ZNF772: variants seen among roughly 807,000 people sequenced by gnomAD.
ZNF772 encodes the protein zinc finger protein 772.
A neutral mutation model predicts 11.0 loss-of-function variants in ZNF772; 8 were observed. The observed-to-expected ratio is 0.73, with a 90% CI of 0.43 to 1.31. The LOEUF is 1.31. Ranked by LOEUF, ZNF772 falls within the 50% of genes most tolerant of loss-of-function variation. The pLI is 0.01. For synonymous variants in ZNF772, 155 were observed against 180.4 expected, an observed-to-expected ratio of 0.86 and a Z score of 1.13; for missense variants, 496 against 552.3, an observed-to-expected ratio of 0.90 and a Z score of 1.02.
intron 1 of ZNF772, 111 bp from the exon 2 acceptor site, chr19:57,476,783 T>A: frequency 1.1e-6 from 1 of 933,116 alleles, no homozygotes; most frequent in Non-Finnish European, 1.6e-6. Flanking sequence ...GCTGAATGTC[T>A]ACCCTCTGTG....
intron 2 of ZNF772, among the ~76,000 whole-genome samples, chr19:57,476,152 A>T (rs1215260239): frequency 6.6e-6 from 1 of 152,062 alleles, no homozygotes; most frequent in Non-Finnish European, 1.5e-5. Flanking sequence ...TTCTTTCCAT[A>T]TGTACATCAC....
Position 57,477,322 on chromosome 19 carries a change from C to T in ZNF772, c.-13G>A. 6.2e-7 allele frequency: 1 copy of T among 1,613,402 alleles called. No individual in the cohort carries two copies. Among genetic ancestry groups the T allele is most frequent in the Non-Finnish European group, 8.5e-7 (1 of 1,179,746 alleles). ...CAGCCGCCGCCATCAGGCCTGTGGA[C>T]TACGGAAGGGTGGCGACAAGTGCAG... is the stretch of plus-strand genomic sequence containing the variant. On this transcript the variant is annotated 5_prime_UTR_variant, in exon 1 of 4. Transcript: ENST00000356584.
rs1310755554 is a variant in ZNF772 at position 57,471,854 on chromosome 19, T to G, written c.*1420A>C. 4.1e-6 allele frequency: 1 copy of G among 242,130 alleles called. No homozygotes were observed. The highest frequency in any genetic ancestry group is 8.3e-6 in the Non-Finnish European group (1 of 121,108). The allele number at this position is 242,130 out of a possible 1,614,324, so 15.0% of individuals were successfully genotyped here. A position where few individuals can be genotyped will look rare whatever the true frequency, so the allele number is the denominator to read the frequency against. Reference sequence around the variant, plus strand: ...AATACATATTAAATTACTCTATCTCTGTAGAATTCTAGGAAATACAAACAA... The same window carrying G: ...AATACATATTAAATTACTCTATCTCGGTAGAATTCTAGGAAATACAAACAA... On this transcript the variant is annotated 3_prime_UTR_variant, in exon 4 of 4. Transcript: ENST00000356584.
intron 3 of ZNF772, 125 bp from the exon 4 acceptor site, chr19:57,474,546 C>A: frequency 1.0e-6 from 1 of 979,482 alleles, no homozygotes; most frequent in Non-Finnish European, 1.5e-6. Flanking sequence ...GACAAGGGTC[C>A]AAACTCAAGT....
Position 57,474,239 on chromosome 19 carries a change from G to A in ZNF772, c.382C>T (p.Gln128Ter). 1 of 1,614,196 alleles carries A rather than the reference G, an allele frequency of 6.2e-7. No homozygotes were observed. Among genetic ancestry groups the A allele is most frequent in the Non-Finnish European group, 8.5e-7 (1 of 1,180,040 alleles). ...LAEHQETHPG[Q>*]KPYMCVLCGK... ...CACAGCACACACATGTATGGTTTCT[G>A]CCCTGGGTGTGTTTCCTGGTGCTCA... Residue 128 changes from glutamine to a stop codon, truncating the protein, a stop_gained, in exon 4 of 4, where the codon CAG (glutamine) becomes TAG (stop). Transcript: ENST00000356584. LOFTEE classifies it low-confidence loss of function (END_TRUNC).
At position 57,477,284 on chromosome 19, in the gene ZNF772, G is replaced by A. The variant is rs930473590; in HGVS notation, c.26C>T (p.Pro9Leu). The change falls in exon 1 of 4, where the codon CCG (proline) becomes CTG (leucine). Residue 9 changes from proline to leucine, a missense_variant. Physicochemically the swap from Pro to Leu is moderately conservative, Grantham distance 98 (BLOSUM62 -3). Coordinates refer to ENST00000356584, the MANE Select transcript of ZNF772 (RefSeq NM_001144068.2). The part of the protein sequence containing the change: MAAAEPMG[P>L]AQVPMNSEVI... The stretch of plus-strand genomic sequence containing the variant: ...CGCAGACGCAGCACCCACCTGTGCC[G>A]GGCCCATCGGCTCAGCCGCCGCCAT... 20 of 1,605,336 alleles carry A rather than the reference G, an allele frequency of 1.2e-5. No individual in the cohort carries two copies. The highest frequency in any genetic ancestry group is 5.5e-5 in the African/African-American group (4 of 72,518).
At chr19:57,476,822 G>A in intron 1 of ZNF772, 150 bp from the exon 2 acceptor site, 1 of 698,324 alleles carries the variant, frequency 1.4e-6, no homozygotes, top group Middle Eastern at 3.7e-4. Context: ...CCTCTTAACT[G>A]TGTTAGCTCG....
rs952287710 is a variant in ZNF772 at position 57,471,251 on chromosome 19, GAAA to G, written c.*2020_*2022del. 1 of 151,376 alleles carries G rather than the reference GAAA, an allele frequency of 6.6e-6. No homozygotes were observed. The highest frequency in any genetic ancestry group is 2.4e-5 in the African/African-American group (1 of 41,192). 9.4% of individuals were successfully genotyped at this position (151,376 alleles called of 1,614,324 possible). A position where few individuals can be genotyped will look rare whatever the true frequency, so the allele number is the denominator to read the frequency against. On this transcript the variant is annotated 3_prime_UTR_variant, in exon 4 of 4. Transcript: ENST00000356584. ...CCTGGGCAAGATATAAAATTACAAAGAAAAAAAAGCAAGCAAGCAAGAAAGAAA... is the reference window on the plus strand; with the variant it reads ...CCTGGGCAAGATATAAAATTACAAAGAAAAAGCAAGCAAGCAAGAAAGAAA...
At position 57,471,190 on chromosome 19, in the gene ZNF772, C is replaced by T. The variant is rs1345218525; in HGVS notation, c.*2084G>A. ...GAGCAGGAATACTTCCCAACTTACT[C>T]TATAAAGCTGGCATTATGCTGATAC... On this transcript the variant is annotated 3_prime_UTR_variant, in exon 4 of 4. Transcript: ENST00000356584. 1 of 152,158 alleles carries T rather than the reference C, an allele frequency of 6.6e-6. No individual in the cohort carries two copies. The highest frequency in any genetic ancestry group is 1.5e-5 in the Non-Finnish European group (1 of 68,034). 9.4% of individuals were successfully genotyped at this position (152,158 alleles called of 1,614,324 possible).
Position 57,473,175 on chromosome 19 carries a change from T to C in ZNF772, c.*99A>G, listed in dbSNP as rs1406202833. 6.5e-6 allele frequency: 8 copies of C among 1,229,184 alleles called. No homozygotes were observed. The Admixed American group carries it at 1.8e-4, about 28-fold the overall frequency. The allele number at this position is 1,229,184 out of a possible 1,614,324, so 76.1% of individuals were successfully genotyped here. Reference sequence around the variant, plus strand: ...AGGGTGAGTGTTTGAGTGTATAAAGTTCTACTTCTGGCTGTCGGCTACACA... The same window carrying C: ...AGGGTGAGTGTTTGAGTGTATAAAGCTCTACTTCTGGCTGTCGGCTACACA... On this transcript the variant is annotated 3_prime_UTR_variant, in exon 4 of 4. Coordinates refer to ENST00000356584, the MANE Select transcript of ZNF772 (RefSeq NM_001144068.2).
At chr19:57,477,165 C>G in intron 1 of ZNF772, 112 bp downstream of exon 1, 1 of 1,426,196 alleles carries the variant, frequency 7.0e-7, no homozygotes, top group East Asian at 2.4e-5. Context: ...CGAGCGCCCC[C>G]ACTGTTCTAG....
chr19:57,475,528 C>T lies in ZNF772; in HGVS notation c.199+132G>A. The T allele has an allele frequency of 2.1e-6, 3 of 1,446,650 alleles. No individual in the cohort carries two copies. Among genetic ancestry groups the T allele is most frequent in the Admixed American group, 1.7e-5 (1 of 59,364 alleles). The allele number at this position is 1,446,650 out of a possible 1,614,324, so 89.6% of individuals were successfully genotyped here. A position where few individuals can be genotyped will look rare whatever the true frequency, so the allele number is the denominator to read the frequency against. ...GCAAACAGCCCAAGCCCAGCACTCA[C>T]AGAACCTACTCCAGGCACTAAGAAA... On this transcript the variant is annotated intron_variant, in intron 3 of 3. Transcript: ENST00000356584. This position sits in a 1 kb window ranked among gnomAD's most constrained non-coding sequence, Gnocchi z 4.2.
intron 3 of ZNF772, chr19:57,474,907 A>G: frequency 6.9e-7 from 1 of 1,455,676 alleles, no homozygotes; most frequent in South Asian, 1.3e-5. Context: ...CCAGAGGCCA[A>G]AGGCCAGAGT....
rs1467530914 is a variant in ZNF772, at chr19:57,471,132, C to T, written c.*2142G>A. 1.3e-5 allele frequency: 2 copies of T among 152,166 alleles called. No homozygotes were observed. Among genetic ancestry groups the T allele is most frequent in the African/African-American group, 4.8e-5 (2 of 41,434 alleles). 9.4% of individuals were successfully genotyped at this position (152,166 alleles called of 1,614,324 possible). ...CCAAACATTTAAGGAAGAAATAATA[C>T]CAATTATTCACAAACTCTTCCAGAG... On this transcript the variant is annotated 3_prime_UTR_variant, in exon 4 of 4. Coordinates refer to ENST00000356584, the MANE Select transcript of ZNF772 (RefSeq NM_001144068.2).
chr19:57,471,501 A>G lies in ZNF772; in HGVS notation c.*1773T>C, dbSNP rs887986370. The G allele has an allele frequency of 1.3e-5, 2 of 152,362 alleles. No homozygotes were observed. The highest frequency in any genetic ancestry group is 2.9e-5 in the Non-Finnish European group (2 of 68,038). 9.4% of individuals were successfully genotyped at this position (152,362 alleles called of 1,614,324 possible). A position where few individuals can be genotyped will look rare whatever the true frequency, so the allele number is the denominator to read the frequency against. ...ACTAAAACAGAAAAAGAAAAAAACC[A>G]TATAGGATTATGGTCACCAGAGTCC... On this transcript the variant is annotated 3_prime_UTR_variant, in exon 4 of 4. Coordinates refer to ENST00000356584, the MANE Select transcript of ZNF772 (RefSeq NM_001144068.2).
chr19:57,476,602 G>T (rs777846523), intron 2 of ZNF772, 32 bp downstream of exon 2: 1 of 1,609,980 alleles, frequency 6.2e-7, no homozygotes, highest in Admixed American at 1.7e-5. Flanking sequence ...GTGGGGGTGG[G>T]ATCGGTGAGA....
At position 57,474,182 on chromosome 19, in the gene ZNF772, G is replaced by A. The variant is rs777712912; in HGVS notation, c.439C>T (p.His147Tyr). 6.2e-7 allele frequency: 1 copy of A among 1,614,184 alleles called. No individual in the cohort carries two copies. The highest frequency in any genetic ancestry group is 1.7e-5 in the Admixed American group (1 of 60,028). ...GKQFCFSANL[H>Y]QHQKQHSGEK... is the part of the protein sequence containing the mutation. ...CCACTGTGCTGCTTCTGGTGCTGGTGAAGGTTTGCACTGAAGCAGAACTGT... is the reference window on the plus strand; with the variant it reads ...CCACTGTGCTGCTTCTGGTGCTGGTAAAGGTTTGCACTGAAGCAGAACTGT... Residue 147 changes from histidine (H) to tyrosine (Y), a missense_variant, in exon 4 of 4, where the codon CAC becomes TAC. Physicochemically the swap from His to Tyr is moderately conservative, Grantham distance 83 (BLOSUM62 2). Coordinates refer to ENST00000356584, the MANE Select transcript of ZNF772 (RefSeq NM_001144068.2).
In ZNF772 at chr19:57,477,391, C is replaced by A. The variant is rs1265743614; in HGVS notation, c.-82G>T. On this transcript the variant is annotated 5_prime_UTR_variant, in exon 1 of 4. Transcript: ENST00000356584. ...CCAGGGCCCAGCCCAGCGGCTAGGTCACTCAGGCAGCGCCACTGTCAAGCC... is the reference window on the plus strand; with the variant it reads ...CCAGGGCCCAGCCCAGCGGCTAGGTAACTCAGGCAGCGCCACTGTCAAGCC... 3.3e-6 allele frequency: 5 copies of A among 1,522,772 alleles called. No individual in the cohort carries two copies. The highest frequency in any genetic ancestry group is 2.7e-5 in the African/African-American group (2 of 72,962). The allele number at this position is 1,522,772 out of a possible 1,614,324, so 94.3% of individuals were successfully genotyped here. A position where few individuals can be genotyped will look rare whatever the true frequency, so the allele number is the denominator to read the frequency against.
Position 57,477,318 on chromosome 19 carries a change from T to C in ZNF772, c.-9A>G, listed in dbSNP as rs1447716075. 1 of 1,613,134 alleles carries C rather than the reference T, an allele frequency of 6.2e-7. No individual in the cohort carries two copies. Among genetic ancestry groups the C allele is most frequent in the Non-Finnish European group, 8.5e-7 (1 of 1,179,718 alleles). ...GGCTCAGCCGCCGCCATCAGGCCTG[T>C]GGACTACGGAAGGGTGGCGACAAGT... On this transcript the variant is annotated 5_prime_UTR_variant, in exon 1 of 4. Transcript: ENST00000356584.
Sources: gnomAD v4.1 joint callset for allele counts (sites outside exome capture counted in the v4.1 genomes callset) on GRCh38, gnomAD v4.1.1 for gene constraint, Gnocchi (gnomAD v3.1) non-coding constraint, MANE v1.5 for transcripts, NCBI Gene and HGNC (gene_info 2026-07-23, HGNC 2026-07-21) for gene names.